Variants in PPP2R2C observed in about 807,000 individuals in gnomAD.
The protein encoded by PPP2R2C is protein phosphatase 2 regulatory subunit Bgamma.
Under a neutral mutation model 45.3 loss-of-function variants are expected in PPP2R2C, and 10 were observed. The observed-to-expected ratio is 0.22, with a 90% CI of 0.14 to 0.37. PPP2R2C has a LOEUF of 0.37. Ranked by LOEUF, PPP2R2C falls within the 10% of genes least tolerant of loss-of-function variation. PPP2R2C has a pLI of 1.00. For synonymous variants in PPP2R2C, 257 were observed against 245.4 expected (o/e 1.05, Z -0.44); for missense variants, 308 against 619.7 (o/e 0.50, Z 5.34).
rs371212186 is a variant in PPP2R2C, at chr4:6,364,833, A to G, written c.625+7690T>C. On this transcript the variant is annotated intron_variant, in intron 5 of 8. Transcript: ENST00000382599. The surrounding 1 kb of genome is among the most constrained non-coding windows in gnomAD (Gnocchi z 5.3). ...ATCAGAGTGAGACAGTGGCCTAAAC[A>G]CATGCTGGGGGCAGACAGGCAGGTG... 5.3e-5 allele frequency among the ~76,000 whole-genome samples: 8 copies of G among 152,106 alleles called. No homozygotes were observed. The highest frequency in any genetic ancestry group is 3.9e-4 in the East Asian group (2 of 5,180).
chr4:6,548,931 A>G (rs555876721), intron 1 of PPP2R2C, among the ~76,000 whole-genome samples: 161 of 152,246 alleles, frequency 1.1e-3, no homozygotes, highest in African/African-American at 3.7e-3. Context: ...GTCCCTTGGC[A>G]GCCCTCTCCC....
intron 1 of PPP2R2C, among the ~76,000 whole-genome samples, chr4:6,462,716 G>A (rs1434138123): frequency 6.6e-6 from 1 of 152,176 alleles, no homozygotes; most frequent in Non-Finnish European, 1.5e-5. Flanking sequence ...TTTGTGAGGT[G>A]GGATAACAGC....
intron 1 of PPP2R2C, among the ~76,000 whole-genome samples, chr4:6,455,573 C>T (rs1286587277): frequency 6.6e-6 from 1 of 152,212 alleles, no homozygotes. Context: ...CACTTCCCTT[C>T]CACTGCCCAC....
intron 5 of PPP2R2C, chr4:6,348,990 G>A: frequency 2.0e-6 from 2 of 984,036 alleles, no homozygotes; most frequent in Non-Finnish European, 2.4e-6. Flanking sequence ...TGATTGGTAA[G>A]GCTGGATTCA....
At chr4:6,382,069 T>C in intron 1 of PPP2R2C, 1 of 1,387,794 alleles carries the variant, frequency 7.2e-7, no homozygotes, top group Non-Finnish European at 9.3e-7. Flanking sequence ...CACCAACAAG[T>C]TTTACTGCAG....
Position 6,347,963 on chromosome 4 carries a change from T to C in PPP2R2C, c.673A>G (p.Ile225Val). The C allele has an allele frequency of 6.2e-7, 1 of 1,614,052 alleles. No homozygotes were observed. Among genetic ancestry groups the C allele is most frequent in the Non-Finnish European group, 8.5e-7 (1 of 1,180,006 alleles). ...TGCGGATGGAACTCAGATGCTGTGA[T>C]CACCTCCGTAAGGTCCTCCATGTTG... ...PANMEDLTEV[I>V]TASEFHPHHC... Residue 225 changes from isoleucine to valine, a missense_variant, in exon 6 of 9, where the codon ATC becomes GTC. By Grantham distance (29) the Ile-to-Val change is conservative. Transcript: ENST00000382599.
At chr4:6,445,046 G>A (rs1198422509) in intron 1 of PPP2R2C, among the ~76,000 whole-genome samples, 12 of 152,224 alleles carry the variant, frequency 7.9e-5, no homozygotes, top group East Asian at 1.9e-4. Context: ...AAAATTAGCC[G>A]GGTATGTTGG....
At position 6,378,490 on chromosome 4, in the gene PPP2R2C, T is replaced by C; in HGVS notation, c.251A>G (p.Lys84Arg). Residue 84 changes from lysine (K) to arginine (R), a missense_variant, in exon 3 of 9, where the codon AAG becomes AGG. Lys to Arg is a conservative substitution (Grantham distance 26, BLOSUM62 2). Coordinates refer to ENST00000382599, the MANE Select transcript of PPP2R2C (RefSeq NM_020416.4). The surrounding 1 kb of genome is among the most constrained non-coding windows in gnomAD (Gnocchi z 5.2). ...GATCTTCTCCTCTATCTCCAGGCTCTTGAGATAGTCAAACTCCGGCTCGTG... is the reference window on the plus strand; with the variant it reads ...GATCTTCTCCTCTATCTCCAGGCTCCTGAGATAGTCAAACTCCGGCTCGTG... ...QSHEPEFDYL[K>R]SLEIEEKINK... is the part of the protein sequence containing the mutation. 6.2e-7 allele frequency: 1 copy of C among 1,614,158 alleles called. No homozygotes were observed. Among genetic ancestry groups the C allele is most frequent in the Non-Finnish European group, 8.5e-7 (1 of 1,180,028 alleles).
chr4:6,518,338 C>T (rs1448191255), intron 2 of PPP2R2C, among the ~76,000 whole-genome samples: 2 of 151,988 alleles, frequency 1.3e-5, no homozygotes, highest in African/African-American at 2.4e-5. Flanking sequence ...AAGAAATCAA[C>T]AGAGAAAATT....
chr4:6,431,132 G>C (rs1265823833), intron 1 of PPP2R2C, among the ~76,000 whole-genome samples: 13 of 152,304 alleles, frequency 8.5e-5, no homozygotes, highest in Admixed American at 3.9e-4. Context: ...ACTGAGCAAG[G>C]GGACGAGCCG....
At chr4:6,351,836 T>C (rs1394572972) in intron 5 of PPP2R2C, among the ~76,000 whole-genome samples, 2 of 151,358 alleles carry the variant, frequency 1.3e-5, no homozygotes, top group African/African-American at 2.4e-5. Context: ...CCGGGCTGGG[T>C]CCATGGTCAC....
chr4:6,547,769 G>C (rs1019147670), intron 1 of PPP2R2C, among the ~76,000 whole-genome samples: 1 of 152,048 alleles, frequency 6.6e-6, no homozygotes, highest in Non-Finnish European at 1.5e-5. Flanking sequence ...ATGCAAAAAC[G>C]CAACGGGACA....
At chr4:6,400,406 T>C (rs1257398651) in intron 1 of PPP2R2C, among the ~76,000 whole-genome samples, 1 of 152,238 alleles carries the variant, frequency 6.6e-6, no homozygotes, top group Non-Finnish European at 1.5e-5. Flanking sequence ...TATTTTTCAA[T>C]GAATTCATAT....
At chr4:6,343,468 G>A (rs373038204) in intron 6 of PPP2R2C, among the ~76,000 whole-genome samples, 3 of 152,136 alleles carry the variant, frequency 2.0e-5, no homozygotes, top group South Asian at 4.2e-4. Flanking sequence ...TCTTGGCCTG[G>A]TATGGTGGCT....
rs551857176 is a variant in PPP2R2C, at chr4:6,350,569, G to C, written c.626-2559C>G. On this transcript the variant is annotated intron_variant, in intron 5 of 8. Coordinates refer to ENST00000382599, the MANE Select transcript of PPP2R2C (RefSeq NM_020416.4). ...GACACTCATTCTCGTTGTATTTCCT[G>C]GGGTTATAACTCATGGGGCGCAGTG... 65 of 985,280 alleles carry C rather than the reference G, an allele frequency of 6.6e-5. No individual in the cohort carries two copies. The African/African-American group carries it at 1.0e-3, about 16-fold the overall frequency. 61.0% of individuals were successfully genotyped at this position (985,280 alleles called of 1,614,324 possible). A position where few individuals can be genotyped will look rare whatever the true frequency, so the allele number is the denominator to read the frequency against.
chr4:6,361,443 C>G (rs1713721553), intron 5 of PPP2R2C, among the ~76,000 whole-genome samples: 1 of 152,264 alleles, frequency 6.6e-6, no homozygotes, highest in Non-Finnish European at 1.5e-5. Flanking sequence ...TCTGTGTGAT[C>G]TCTTGAAAAC....
At chr4:6,540,992 T>C (rs962190725) in intron 1 of PPP2R2C, among the ~76,000 whole-genome samples, 10 of 152,376 alleles carry the variant, frequency 6.6e-5, no homozygotes, top group African/African-American at 2.2e-4. Flanking sequence ...CCATAGCATA[T>C]GGTGTCCTCA....
At chr4:6,391,615 C>T (rs936261158) in intron 1 of PPP2R2C, among the ~76,000 whole-genome samples, 2 of 152,250 alleles carry the variant, frequency 1.3e-5, no homozygotes, top group Non-Finnish European at 2.9e-5. Context: ...ACCCCAAGAG[C>T]ACCAGGTGAA....
chr4:6,390,861 G>C (rs1037835804), intron 1 of PPP2R2C, among the ~76,000 whole-genome samples: 1 of 152,106 alleles, frequency 6.6e-6, no homozygotes, highest in Admixed American at 6.5e-5. Flanking sequence ...TTCCACTCTC[G>C]CTGAAGAACC....
Sources: allele counts gnomAD v4.1 joint callset (sites outside exome capture counted in the v4.1 genomes callset), GRCh38; gene constraint gnomAD v4.1.1; non-coding constraint Gnocchi (gnomAD v3.1); transcripts MANE v1.5; gene names NCBI Gene and HGNC (gene_info 2026-07-23, HGNC 2026-07-21).